GTF2H1: variants seen among roughly 807,000 people sequenced by gnomAD.
GTF2H1 encodes the protein general transcription factor IIH subunit 1.
GTF2H1 carries 16 observed loss-of-function variants against 71.2 expected under a neutral mutation model. That is an observed-to-expected ratio of 0.22 (90% CI 0.15 to 0.34). The LOEUF is 0.34. Among genes scored for constraint, GTF2H1 ranks in the 10% least tolerant of loss-of-function variants. The pLI is 1.00. For synonymous variants in GTF2H1, 215 were observed against 219.0 expected (o/e 0.98, Z 0.16); for missense variants, 498 against 648.2 (o/e 0.77, Z 2.52).
chr11:18,345,834 G>A (rs1318536950), intron 7 of GTF2H1, among the ~76,000 whole-genome samples: 1 of 130,808 alleles, frequency 7.6e-6, no homozygotes, highest in Non-Finnish European at 1.6e-5. Context: ...CTGTCACCCA[G>A]GCTAGAGTGC....
chr11:18,364,485 G>A (rs1284356726), intron 14 of GTF2H1, among the ~76,000 whole-genome samples: 1 of 152,202 alleles, frequency 6.6e-6, no homozygotes. Context: ...AGAGACTGAG[G>A]CAGGAGGATC....
chr11:18,352,259 A>G, intron 10 of GTF2H1, 70 bp from the exon 11 acceptor site: 3 of 747,358 alleles, frequency 4.0e-6, no homozygotes, highest in Non-Finnish European at 7.1e-6. Context: ...GACTGCTAAA[A>G]TGTTGCAAAG....
At chr11:18,363,811 A>G (rs567660131) in intron 14 of GTF2H1, among the ~76,000 whole-genome samples, 16 of 152,102 alleles carry the variant, frequency 1.1e-4, no homozygotes, top group African/African-American at 3.4e-4. Flanking sequence ...GGTGGCTTAC[A>G]CCTGTAATCC....
At position 18,366,025 on chromosome 11, in the gene GTF2H1, C is replaced by A; in HGVS notation, c.*156C>A. 1.7e-6 allele frequency: 1 copy of A among 602,524 alleles called. No individual in the cohort carries two copies. The allele number at this position is 602,524 out of a possible 1,614,324, so 37.3% of individuals were successfully genotyped here. On this transcript the variant is annotated 3_prime_UTR_variant, in exon 15 of 15. Transcript: ENST00000265963. ...CCCAGAGCTGATGCTATTGTACTTG[C>A]ACATTGGAGACTGAAAGGAAAGAAG...
intron 4 of GTF2H1, 51 bp from the exon 5 acceptor site, chr11:18,339,513 C>A (rs1865106728): frequency 7.9e-7 from 1 of 1,270,566 alleles, no homozygotes; most frequent in Non-Finnish European, 1.1e-6. Context: ...GGGACCTGAG[C>A]CATCTTTCCC....
At chr11:18,354,732 CTGTT>C (rs1254650144) in intron 11 of GTF2H1, among the ~76,000 whole-genome samples, 2 of 152,210 alleles carry the variant, frequency 1.3e-5, no homozygotes, top group African/African-American at 2.4e-5. Context: ...CCCTTCTCCT[CTGTT>C]TGTTATTTAT....
intron 4 of GTF2H1, 117 bp downstream of exon 4, chr11:18,338,391 T>C (rs1865081109): frequency 1.5e-6 from 1 of 664,276 alleles, no homozygotes; most frequent in African/African-American, 1.8e-5. Context: ...TAATGGAAAA[T>C]TGAGTATCCA....
In GTF2H1 at chr11:18,365,813, A is replaced by G. The variant is rs1282413251; in HGVS notation, c.1591A>G (p.Thr531Ala). 6.2e-7 allele frequency: 1 copy of G among 1,613,826 alleles called. No homozygotes were observed. The highest frequency in any genetic ancestry group is 2.2e-5 in the East Asian group (1 of 44,890). Residue 531 changes from threonine (T) to alanine (A), a missense_variant, in exon 15 of 15, where the codon ACA becomes GCA. Coordinates refer to ENST00000265963, the MANE Select transcript of GTF2H1 (RefSeq NM_005316.4). ...AAGTCACATAGAAGAGATGCTCCAG[A>G]CAGCCTACAACAAGCTCCACACATG... Reference protein sequence around the residue: ...LVSHIEEMLQTAYNKLHTWQS... With the variant: ...LVSHIEEMLQAAYNKLHTWQS...
intron 9 of GTF2H1, among the ~76,000 whole-genome samples, chr11:18,350,892 G>A (rs554590202): frequency 6.6e-6 from 1 of 152,148 alleles, no homozygotes; most frequent in Non-Finnish European, 1.5e-5. Context: ...TAGCACAGGG[G>A]GTAACAGATT....
At chr11:18,336,124 T>C (rs1283070764) in intron 3 of GTF2H1, among the ~76,000 whole-genome samples, 178 bp downstream of exon 3, 1 of 152,066 alleles carries the variant, frequency 6.6e-6, no homozygotes, top group Non-Finnish European at 1.5e-5. Context: ...GTTTTTTGTT[T>C]GTTTGTTTTT....
chr11:18,332,206 A>C (rs1864917061), intron 1 of GTF2H1, among the ~76,000 whole-genome samples: 1 of 152,226 alleles, frequency 6.6e-6, no homozygotes, highest in African/African-American at 2.4e-5. Flanking sequence ...GTAATTGTTA[A>C]ATTATATTTT....
chr11:18,360,562 G>A, intron 13 of GTF2H1, 53 bp from the exon 14 acceptor site: 2 of 805,438 alleles, frequency 2.5e-6, no homozygotes, highest in Non-Finnish European at 4.0e-6. Flanking sequence ...TTTTTCTGTT[G>A]GTCTCTACAG....
At chr11:18,351,385 G>C (rs955011919) in intron 9 of GTF2H1, among the ~76,000 whole-genome samples, 1 of 151,016 alleles carries the variant, frequency 6.6e-6, no homozygotes, top group Non-Finnish European at 1.5e-5. Context: ...GGGTTCAAGC[G>C]ATTCTCCTGC....
chr11:18,336,095 G>A, intron 3 of GTF2H1, 149 bp downstream of exon 3: 1 of 607,974 alleles, frequency 1.6e-6, no homozygotes, highest in Non-Finnish European at 2.9e-6. Context: ...TTGTTTGTTT[G>A]TTTGTTTTGG....
intron 4 of GTF2H1, among the ~76,000 whole-genome samples, chr11:18,338,796 A>G (rs1865091720): frequency 6.6e-6 from 1 of 152,022 alleles, no homozygotes; most frequent in East Asian, 1.9e-4. Flanking sequence ...TTAAATTTAT[A>G]TTTCTTTTTA....
intron 1 of GTF2H1, among the ~76,000 whole-genome samples, chr11:18,325,549 T>G (rs1054149346): frequency 6.6e-6 from 1 of 152,230 alleles, no homozygotes; most frequent in Admixed American, 6.5e-5. Flanking sequence ...CTGCCCTCCC[T>G]TATGAAGCTT....
At chr11:18,356,269 T>A (rs1443468314) in intron 11 of GTF2H1, among the ~76,000 whole-genome samples, 3 of 151,478 alleles carry the variant, frequency 2.0e-5, no homozygotes, top group Non-Finnish European at 4.4e-5. Context: ...TCTCAGCTAC[T>A]CGGGAGGCTG....
At chr11:18,350,408 G>C in intron 9 of GTF2H1, among the ~76,000 whole-genome samples, 1 of 149,408 alleles carries the variant, frequency 6.7e-6, no homozygotes, top group African/African-American at 2.5e-5. Context: ...CCTTGAAGTT[G>C]GCTGAAAGGT....
chr11:18,328,741 G>A (rs1299552482), intron 1 of GTF2H1, among the ~76,000 whole-genome samples: 6 of 147,582 alleles, frequency 4.1e-5, no homozygotes, highest in Non-Finnish European at 9.0e-5. Flanking sequence ...CAGGAGAATC[G>A]CTTGAACCCG....
Sources: gnomAD v4.1 joint callset for allele counts (sites outside exome capture counted in the v4.1 genomes callset) on GRCh38, gnomAD v4.1.1 for gene constraint, MANE v1.5 for transcripts, NCBI Gene and HGNC (gene_info 2026-07-23, HGNC 2026-07-21) for gene names.